PTP4A1: variants seen among roughly 807,000 people sequenced by gnomAD.
PTP4A1 encodes protein tyrosine phosphatase 4A1, also known as protein tyrosine phosphatase type IVA 1.
Under a neutral mutation model 20.5 loss-of-function variants are expected in PTP4A1, and 9 were observed. The observed-to-expected ratio is 0.44, with a 90% CI of 0.26 to 0.77. PTP4A1 has a LOEUF of 0.77. Ranked by LOEUF, PTP4A1 falls within the 30% of genes least tolerant of loss-of-function variation. The probability of loss-of-function intolerance (pLI) is 0.19; values close to 1 mark genes in which losing one functional copy is unlikely to be tolerated. For missense variants in PTP4A1, 137 were observed against 218.8 expected (o/e 0.63, Z 2.36); for synonymous variants, 78 against 67.4 (o/e 1.16, Z -0.77).
rs1378558948 is a variant in PTP4A1 at position 63,523,444 on chromosome 6, G to A, written c.-906+1618G>A. ...AGCTACTCGGGAGGTTTGAACCCGGGAGGTTGCAGTGAGCCATGATCGTGC... is the reference window on the plus strand; with the variant it reads ...AGCTACTCGGGAGGTTTGAACCCGGAAGGTTGCAGTGAGCCATGATCGTGC... On this transcript the variant is annotated intron_variant, in intron 1 of 3. Coordinates refer to the PTP4A1 transcript ENST00000639568. Among the ~76,000 whole-genome samples, 3 of 152,234 alleles carry A rather than the reference G, an allele frequency of 2.0e-5. No homozygotes were observed. In the South Asian group the frequency reaches 6.2e-4, roughly 32 times the overall value.
chr6:63,576,706 C>A lies in PTP4A1; in HGVS notation c.-175C>A, dbSNP rs1242565799. 4.9e-6 allele frequency: 3 copies of A among 613,706 alleles called. No homozygotes were observed. The highest frequency in any genetic ancestry group is 5.7e-6 in the Non-Finnish European group (2 of 351,118). The allele number at this position is 613,706 out of a possible 1,614,324, so 38.0% of individuals were successfully genotyped here. On this transcript the variant is annotated 5_prime_UTR_variant, in exon 2 of 6. The change creates a new upstream start codon in the 5' untranslated region. Transcript: ENST00000626021. The stretch of plus-strand genomic sequence containing the variant: ...TCAGTATTACTGGATTGAAGAATTG[C>A]TGCTTCTTGTTAGGAGGTTCATTTC...
At chr6:63,577,050 C>A in intron 2 of PTP4A1, 65 bp downstream of exon 2, 3 of 1,303,806 alleles carry the variant, frequency 2.3e-6, no homozygotes, top group Admixed American at 2.2e-5. Flanking sequence ...TTATAGCTAA[C>A]AAAATAAAAA....
chr6:63,580,028 G>C, intron 5 of PTP4A1, 29 bp from the exon 6 acceptor site: 2 of 1,467,752 alleles, frequency 1.4e-6, no homozygotes, highest in Non-Finnish European at 1.9e-6. Context: ...CTTTTGCCTT[G>C]TTTCATTTTT....
chr6:63,575,982 G>A (rs1001290959), intron 1 of PTP4A1, among the ~76,000 whole-genome samples: 1 of 151,820 alleles, frequency 6.6e-6, no homozygotes, highest in Non-Finnish European at 1.5e-5. Context: ...TTGTATTAAT[G>A]TGTAAAAATG....
chr6:63,517,119 G>T (rs1389470331), upstream of PTP4A1, among the ~76,000 whole-genome samples: 2 of 152,080 alleles, frequency 1.3e-5, no homozygotes, highest in East Asian at 3.8e-4. Flanking sequence ...CATAGTAAGT[G>T]TGCAATACAT....
chr6:63,578,405 A>T, intron 2 of PTP4A1, 32 bp from the exon 3 acceptor site: 1 of 1,593,650 alleles, frequency 6.3e-7, no homozygotes, highest in South Asian at 1.1e-5. Flanking sequence ...GTGGTTAAAC[A>T]TTAAGATTTT....
chr6:63,544,234 A>G (rs1463684010), intron 2 of PTP4A1, among the ~76,000 whole-genome samples: 1 of 152,220 alleles, frequency 6.6e-6, no homozygotes, highest in Non-Finnish European at 1.5e-5. Context: ...GAAAAGATGC[A>G]AGAAAAATAT....
In PTP4A1 at chr6:63,579,024, G is replaced by C; in HGVS notation, c.325G>C (p.Gly109Arg). The C allele has an allele frequency of 6.3e-7, 1 of 1,577,816 alleles. No individual in the cohort carries two copies. Among genetic ancestry groups the C allele is most frequent in the Non-Finnish European group, 8.6e-7 (1 of 1,168,192 alleles). The change falls in exon 4 of 6, where the codon GGG becomes CGG. Residue 109 changes from glycine (G) to arginine (R), a missense_variant. Physicochemically the swap from Gly to Arg is moderately radical, Grantham distance 125. Transcript: ENST00000626021. ...CIAVHCVAGL[G>R]RAPVLVALAL... is the part of the protein sequence containing the mutation. ...TGCTGTTCATTGCGTTGCAGGCCTT[G>C]GGAGGTAAATGAATTTATCAATTTG... is the stretch of plus-strand genomic sequence containing the variant.
chr6:63,558,854 GAAAT>G (rs1776805680), intron 3 of PTP4A1, among the ~76,000 whole-genome samples: 3 of 152,180 alleles, frequency 2.0e-5, no homozygotes, highest in South Asian at 2.1e-4. Flanking sequence ...TTTCAAGAAA[GAAAT>G]AAAGATATGG....
intron 2 of PTP4A1, among the ~76,000 whole-genome samples, chr6:63,578,144 T>TTCATG: frequency 6.6e-6 from 1 of 152,166 alleles, no homozygotes; most frequent in South Asian, 2.1e-4. Flanking sequence ...TTACCATGAC[T>TTCATG]GTAAACAACT....
chr6:63,562,819 G>T (rs1267920551), intron 3 of PTP4A1, among the ~76,000 whole-genome samples: 7 of 152,148 alleles, frequency 4.6e-5, no homozygotes, highest in Admixed American at 4.6e-4. Context: ...TACTTTGAGT[G>T]CCTTTATTTA....
chr6:63,569,666 GAC>G (rs768791945), upstream of PTP4A1, among the ~76,000 whole-genome samples: 1 of 152,192 alleles, frequency 6.6e-6, no homozygotes, highest in Non-Finnish European at 1.5e-5. Context: ...TGAGGTTAAG[GAC>G]ACATGTTTTG....
chr6:63,557,755 G>T (rs761927642), intron 3 of PTP4A1, among the ~76,000 whole-genome samples: 1 of 152,132 alleles, frequency 6.6e-6, no homozygotes, highest in Non-Finnish European at 1.5e-5. Context: ...CTATAAGGCA[G>T]TCATGATCTT....
intron 3 of PTP4A1, among the ~76,000 whole-genome samples, chr6:63,554,055 G>A (rs1776564028): frequency 6.6e-6 from 1 of 152,138 alleles, no homozygotes; most frequent in South Asian, 2.1e-4. Flanking sequence ...GAGGGGAGGA[G>A]TAATTCAGTG....
rs974110900 is a variant in PTP4A1, at chr6:63,542,879, T to C, written c.-639-7421T>C. On this transcript the variant is annotated intron_variant, in intron 2 of 3. Coordinates refer to the PTP4A1 transcript ENST00000639568. ...TCATCCAAGCCATGATCATGTCTCCTAAACTACTGCTCTAGCCTCTTATGT... is the reference window on the plus strand; with the variant it reads ...TCATCCAAGCCATGATCATGTCTCCCAAACTACTGCTCTAGCCTCTTATGT... Among the ~76,000 whole-genome samples the C allele has an allele frequency of 1.1e-4, 17 of 152,184 alleles. 1 individual carries two copies. The highest frequency in any genetic ancestry group is 4.1e-4 in the African/African-American group (17 of 41,456).
At chr6:63,545,332 G>A (rs1229707107) in intron 2 of PTP4A1, among the ~76,000 whole-genome samples, 2 of 152,170 alleles carry the variant, frequency 1.3e-5, no homozygotes, top group Admixed American at 1.3e-4. Flanking sequence ...TTCTTAGGCT[G>A]GGTGTGGTGG....
intron 3 of PTP4A1, among the ~76,000 whole-genome samples, chr6:63,562,116 ATTTC>A (rs34050415): frequency 0.02 from 3,094 of 151,504 alleles, 108 homozygotes; most frequent in African/African-American, 0.07. Flanking sequence ...ATTTTAGTTT[ATTTC>A]TTTCTATTTT....
At chr6:63,560,458 G>A (rs1298530696) in intron 3 of PTP4A1, among the ~76,000 whole-genome samples, 1 of 149,796 alleles carries the variant, frequency 6.7e-6, no homozygotes, top group Admixed American at 6.7e-5. Flanking sequence ...CTGGAAGGCA[G>A]TGCACATGAT....
intron 3 of PTP4A1, among the ~76,000 whole-genome samples, chr6:63,566,426 T>A (rs1777191804): frequency 6.6e-6 from 1 of 152,066 alleles, no homozygotes; most frequent in Non-Finnish European, 1.5e-5. Context: ...AACCAAGACA[T>A]TATTATCAGT....
Sources: allele counts gnomAD v4.1 joint callset (sites outside exome capture counted in the v4.1 genomes callset), GRCh38; gene constraint gnomAD v4.1.1; transcripts MANE v1.5; gene names NCBI Gene and HGNC (gene_info 2026-07-23, HGNC 2026-07-21).